Variants in NKAIN2 observed in about 807,000 individuals in gnomAD.
The protein encoded by NKAIN2 is sodium/potassium-transporting ATPase subunit beta-1-interacting protein 2.
A neutral mutation model predicts 32.6 loss-of-function variants in NKAIN2; 14 were observed. The observed-to-expected ratio is 0.43, with a 90% CI of 0.28 to 0.67. The LOEUF (loss-of-function observed/expected upper bound fraction) is 0.67, where lower values mean the gene tolerates loss of function less well. Ranked by LOEUF, NKAIN2 falls within the 30% of genes least tolerant of loss-of-function variation. The pLI is 0.17. For missense variants in NKAIN2, 198 were observed against 258.3 expected, an observed-to-expected ratio of 0.77 and a Z score of 1.60; for synonymous variants, 80 against 87.2, an observed-to-expected ratio of 0.92 and a Z score of 0.46.
chr6:124,236,508 CT>C (rs1233986298), intron 1 of NKAIN2, among the ~76,000 whole-genome samples: 1 of 152,092 alleles, frequency 6.6e-6, no homozygotes, highest in Non-Finnish European at 1.5e-5. Context: ...TTTCAATGAT[CT>C]GTAGGTCTAA....
At chr6:123,844,487 A>T (rs1444535825) in intron 1 of NKAIN2, among the ~76,000 whole-genome samples, 1 of 152,008 alleles carries the variant, frequency 6.6e-6, no homozygotes, top group Non-Finnish European at 1.5e-5. Context: ...CTTTAACCAA[A>T]TCTCTGTTAC....
chr6:123,868,508 CCTGA>C (rs1344868642), intron 1 of NKAIN2, among the ~76,000 whole-genome samples: 1 of 152,120 alleles, frequency 6.6e-6, no homozygotes, highest in Non-Finnish European at 1.5e-5. Context: ...ATCCATTCTT[CCTGA>C]CTACCAATAA....
chr6:124,137,128 G>C (rs116532632), intron 1 of NKAIN2, among the ~76,000 whole-genome samples: 1,709 of 152,022 alleles, frequency 0.011, 37 homozygotes, highest in African/African-American at 0.038. Context: ...CATCCAAAAG[G>C]CTTCTAGATC....
Position 123,813,486 on chromosome 6 carries a change from A to T in NKAIN2, c.54+9232A>T, listed in dbSNP as rs555663238. 2.0e-5 allele frequency among the ~76,000 whole-genome samples: 3 copies of T among 152,278 alleles called. No homozygotes were observed. The South Asian group carries it at 6.2e-4, about 32-fold the overall frequency. On this transcript the variant is annotated intron_variant, in intron 1 of 6. Transcript: ENST00000368417. ...TTACCCCTAGTTATTGGGAACTGTT[A>T]TAGAATTACATATTTGAAGGCTTTT...
At chr6:124,276,307 C>CACACACACACACACACAT (rs1795029264) in intron 1 of NKAIN2, among the ~76,000 whole-genome samples, 1 of 151,724 alleles carries the variant, frequency 6.6e-6, no homozygotes, top group Non-Finnish European at 1.5e-5. Context: ...CACACACACA[C>CACACACACACACACACAT]ACACACACAC....
chr6:124,042,733 C>T (rs1781928193), intron 1 of NKAIN2, among the ~76,000 whole-genome samples: 1 of 151,994 alleles, frequency 6.6e-6, no homozygotes, highest in African/African-American at 2.4e-5. Flanking sequence ...ATAGTATGCT[C>T]AATTTCCTAT....
intron 1 of NKAIN2, among the ~76,000 whole-genome samples, chr6:124,220,786 T>A (rs1582872572): frequency 6.6e-6 from 1 of 152,120 alleles, no homozygotes; most frequent in East Asian, 1.9e-4. Context: ...CCTTTAGTTT[T>A]ATTTAAAGAG....
chr6:124,601,271 G>A (rs1782296872), intron 3 of NKAIN2, among the ~76,000 whole-genome samples: 1 of 151,998 alleles, frequency 6.6e-6, no homozygotes, highest in African/African-American at 2.4e-5. Flanking sequence ...CCATGCTTTG[G>A]AAAGAATGCC....
chr6:123,993,970 C>G (rs1156303148), intron 1 of NKAIN2, among the ~76,000 whole-genome samples: 2 of 152,114 alleles, frequency 1.3e-5, no homozygotes, highest in Non-Finnish European at 2.9e-5. Context: ...GTAATGGCTT[C>G]TGAAACTCAC....
intron 3 of NKAIN2, among the ~76,000 whole-genome samples, chr6:124,561,572 G>A (rs1187070341): frequency 6.6e-6 from 1 of 152,206 alleles, no homozygotes; most frequent in Non-Finnish European, 1.5e-5. Flanking sequence ...ATGAGAGGAA[G>A]ATCGCAGTGC....
intron 1 of NKAIN2, among the ~76,000 whole-genome samples, chr6:124,225,042 A>T (rs1030275087): frequency 6.6e-6 from 1 of 152,068 alleles, no homozygotes; most frequent in African/African-American, 2.4e-5. Flanking sequence ...AGCTGCAGGT[A>T]TAGAATCATT....
intron 5 of NKAIN2, among the ~76,000 whole-genome samples, chr6:124,813,450 G>A (rs1224715115): frequency 6.6e-6 from 1 of 152,078 alleles, no homozygotes; most frequent in Non-Finnish European, 1.5e-5. Flanking sequence ...AAGAACTTAA[G>A]ACTTTTGTTA....
At chr6:123,849,958 TTTTGTTTGTTTG>T (rs760055436) in intron 1 of NKAIN2, among the ~76,000 whole-genome samples, 35,465 of 86,690 alleles carry the variant, frequency 0.41, 6,482 homozygotes, top group South Asian at 0.64. Context: ...GGTTTTTTTT[TTTTGTTTGTTTG>T]TTTTTTTTTT....
intron 3 of NKAIN2, among the ~76,000 whole-genome samples, chr6:124,470,943 G>T (rs1776948045): frequency 6.6e-6 from 1 of 152,010 alleles, no homozygotes; most frequent in African/African-American, 2.4e-5. Flanking sequence ...GGTCAAATCT[G>T]GTTCTCAGTC....
At chr6:124,408,044 T>C (rs1773952128) in intron 3 of NKAIN2, among the ~76,000 whole-genome samples, 1 of 152,132 alleles carries the variant, frequency 6.6e-6, no homozygotes, top group Admixed American at 6.6e-5. Flanking sequence ...GATGGGGTTG[T>C]TTGTTTTTTT....
At chr6:124,618,175 C>G (rs1048605521) in intron 3 of NKAIN2, among the ~76,000 whole-genome samples, 2 of 152,128 alleles carry the variant, frequency 1.3e-5, no homozygotes, top group African/African-American at 4.8e-5. Context: ...TTTTGAATTA[C>G]TTGAATAAAG....
At chr6:124,042,235 A>C (rs1446506295) in intron 1 of NKAIN2, among the ~76,000 whole-genome samples, 1 of 152,080 alleles carries the variant, frequency 6.6e-6, no homozygotes, top group Non-Finnish European at 1.5e-5. Flanking sequence ...GCTTGATAGC[A>C]CAGTCACTTC....
At chr6:123,967,851 A>G (rs943006955) in intron 1 of NKAIN2, among the ~76,000 whole-genome samples, 1 of 152,084 alleles carries the variant, frequency 6.6e-6, no homozygotes, top group Non-Finnish European at 1.5e-5. Flanking sequence ...CCCTTAAGGT[A>G]TTAAAGGTGC....
rs1295158997 is a variant in NKAIN2, at chr6:124,295,888, A to G, written c.192+12746A>G. On this transcript the variant is annotated intron_variant, in intron 2 of 6. Coordinates refer to ENST00000368417, the MANE Select transcript of NKAIN2 (RefSeq NM_001040214.3). ...CTTCTCCATAAAATACTAAAAATAA[A>G]TGAGACTTCAGGGAACATATGCCAA... Among the ~76,000 whole-genome samples, 6 of 152,146 alleles carry G rather than the reference A, an allele frequency of 3.9e-5. No individual in the cohort carries two copies. The East Asian group carries it at 9.6e-4, about 24-fold the overall frequency.
Sources: allele counts gnomAD v4.1 joint callset (sites outside exome capture counted in the v4.1 genomes callset), GRCh38; gene constraint gnomAD v4.1.1; transcripts MANE v1.5; gene names NCBI Gene and HGNC (gene_info 2026-07-23, HGNC 2026-07-21).